Variants in LRRC4C observed in about 807,000 individuals in gnomAD.
LRRC4C encodes the protein leucine rich repeat containing 4C.
Under a neutral mutation model 33.6 loss-of-function variants are expected in LRRC4C, and 5 were observed. The observed-to-expected ratio is 0.15, with a 90% CI of 0.08 to 0.31. The LOEUF (loss-of-function observed/expected upper bound fraction) is 0.31. Ranked by LOEUF, LRRC4C falls within the 10% of genes least tolerant of loss-of-function variation. The probability of loss-of-function intolerance (pLI) is 1.00; values close to 1 mark genes in which losing one functional copy is unlikely to be tolerated. For missense variants in LRRC4C, 560 were observed against 796.7 expected (o/e 0.70, Z 3.58); for synonymous variants, 329 against 302.0 (o/e 1.09, Z -0.93).
chr11:40,634,813 C>G (rs1161429597), intron 3 of LRRC4C, among the ~76,000 whole-genome samples: 1 of 151,880 alleles, frequency 6.6e-6, no homozygotes, highest in Non-Finnish European at 1.5e-5. Flanking sequence ...TTGTTTGAGT[C>G]CAGGGATTTG....
intron 1 of LRRC4C, among the ~76,000 whole-genome samples, chr11:41,257,796 A>C (rs1423011694): frequency 6.6e-6 from 1 of 152,036 alleles, no homozygotes; most frequent in Non-Finnish European, 1.5e-5. Flanking sequence ...GACTTTGTTC[A>C]TATCTGCCAC....
At chr11:40,984,403 GAA>G (rs1229254444) in intron 1 of LRRC4C, among the ~76,000 whole-genome samples, 1 of 85,690 alleles carries the variant, frequency 1.2e-5, no homozygotes, top group Non-Finnish European at 3.0e-5. Flanking sequence ...AAGAAAGAAA[GAA>G]AGAAAGAAAG....
intron 4 of LRRC4C, among the ~76,000 whole-genome samples, chr11:40,251,664 C>T (rs1337798747): frequency 6.6e-6 from 1 of 152,224 alleles, no homozygotes; most frequent in South Asian, 2.1e-4. Flanking sequence ...TAAACTAGCA[C>T]CTTCACCTAG....
At chr11:40,991,949 C>A (rs1176565787) in intron 1 of LRRC4C, among the ~76,000 whole-genome samples, 1 of 152,156 alleles carries the variant, frequency 6.6e-6, no homozygotes, top group Non-Finnish European at 1.5e-5. Flanking sequence ...TCCTAAGAGG[C>A]CACCAACTGG....
intron 3 of LRRC4C, among the ~76,000 whole-genome samples, chr11:40,331,761 G>A (rs1256539431): frequency 6.6e-6 from 1 of 152,098 alleles, no homozygotes; most frequent in Non-Finnish European, 1.5e-5. Flanking sequence ...TTCAAACACT[G>A]GGACTTAACA....
chr11:40,641,834 G>T (rs1161845145), intron 3 of LRRC4C, among the ~76,000 whole-genome samples: 1 of 152,134 alleles, frequency 6.6e-6, no homozygotes, highest in South Asian at 2.1e-4. Context: ...TCCTGTCAAG[G>T]CGTTTTTATA....
chr11:40,577,208 T>C (rs1297553836), intron 3 of LRRC4C, among the ~76,000 whole-genome samples: 5 of 152,170 alleles, frequency 3.3e-5, no homozygotes, highest in Non-Finnish European at 7.3e-5. Context: ...AATTAATACT[T>C]CTAACATAAA....
At chr11:40,795,231 T>A (rs1267812662) in intron 2 of LRRC4C, among the ~76,000 whole-genome samples, 1 of 152,006 alleles carries the variant, frequency 6.6e-6, no homozygotes, top group Non-Finnish European at 1.5e-5. Flanking sequence ...TATGCTACCA[T>A]TAGAAGGGAA....
intron 1 of LRRC4C, among the ~76,000 whole-genome samples, chr11:41,271,100 CAGGTAGGACT>C (rs1396320511): frequency 3.3e-5 from 5 of 152,144 alleles, no homozygotes; most frequent in South Asian, 4.1e-4. Flanking sequence ...TCACAGGTAC[CAGGTAGGACT>C]AGGACATATA....
chr11:40,928,735 G>GA (rs1241236146), intron 2 of LRRC4C, among the ~76,000 whole-genome samples: 3 of 152,018 alleles, frequency 2.0e-5, no homozygotes, highest in Admixed American at 2.0e-4. Flanking sequence ...TAGAAATTTG[G>GA]AAAAATCTTT....
chr11:40,898,515 C>T (rs941326369), intron 2 of LRRC4C, among the ~76,000 whole-genome samples: 2 of 151,636 alleles, frequency 1.3e-5, no homozygotes, highest in Non-Finnish European at 2.9e-5. Context: ...CAGATTGTAT[C>T]GCAAATGGCT....
At chr11:41,011,822 A>ATATTATATTATATTATAT (rs1855210566) in intron 1 of LRRC4C, among the ~76,000 whole-genome samples, 2 of 141,734 alleles carry the variant, frequency 1.4e-5, no homozygotes, top group African/African-American at 5.2e-5. Context: ...ATTCTATGTT[A>ATATTATATTATATTATAT]TATATTATAT....
At chr11:40,226,265 T>G (rs1190478588) in intron 5 of LRRC4C, among the ~76,000 whole-genome samples, 1 of 152,218 alleles carries the variant, frequency 6.6e-6, no homozygotes, top group Non-Finnish European at 1.5e-5. Context: ...AATGATAAGC[T>G]AGATCAGTAT....
At chr11:41,136,772 G>A (rs1943280960) in intron 1 of LRRC4C, among the ~76,000 whole-genome samples, 1 of 151,910 alleles carries the variant, frequency 6.6e-6, no homozygotes, top group South Asian at 2.1e-4. Flanking sequence ...CTACCAAACT[G>A]TCAACTCAGC....
intron 4 of LRRC4C, among the ~76,000 whole-genome samples, chr11:40,282,242 G>A (rs1181318191): frequency 6.6e-6 from 1 of 152,150 alleles, no homozygotes; most frequent in African/African-American, 2.4e-5. Context: ...TTACTCGGGA[G>A]GCTGAGGCAG....
intron 2 of LRRC4C, among the ~76,000 whole-genome samples, chr11:40,702,478 T>C (rs1945912454): frequency 6.6e-6 from 1 of 152,146 alleles, no homozygotes; most frequent in South Asian, 2.1e-4. Flanking sequence ...CTCATTAAAA[T>C]TGCTACCATT....
chr11:41,438,102 G>C (rs1348543482), intron 1 of LRRC4C, among the ~76,000 whole-genome samples: 1 of 151,094 alleles, frequency 6.6e-6, no homozygotes, highest in Non-Finnish European at 1.5e-5. Flanking sequence ...TATGGTACCT[G>C]TCTGTCTTGG....
At chr11:40,120,051 C>T (rs1855717541) in intron 6 of LRRC4C, among the ~76,000 whole-genome samples, 1 of 152,236 alleles carries the variant, frequency 6.6e-6, no homozygotes, top group Non-Finnish European at 1.5e-5. Flanking sequence ...CTACTGGCTG[C>T]TCCCTACTGG....
chr11:41,323,039 A>G (rs1951003778), intron 1 of LRRC4C, among the ~76,000 whole-genome samples: 2 of 152,228 alleles, frequency 1.3e-5, no homozygotes, highest in Admixed American at 1.3e-4. Flanking sequence ...GAAATAAAAT[A>G]ACAAATATAA....
Sources: allele counts gnomAD v4.1 joint callset (sites outside exome capture counted in the v4.1 genomes callset), GRCh38; gene constraint gnomAD v4.1.1; transcripts MANE v1.5; gene names NCBI Gene and HGNC (gene_info 2026-07-23, HGNC 2026-07-21).